GPBP1: variants seen among roughly 807,000 people sequenced by gnomAD.
GPBP1 encodes GC-rich promoter binding protein 1.
In GPBP1, 13 loss-of-function variants were observed where a neutral mutation model predicts 56.5. The observed-to-expected ratio is 0.23, with a 90% CI of 0.15 to 0.37. GPBP1 has a LOEUF of 0.37. Among genes scored for constraint, GPBP1 ranks in the 10% least tolerant of loss-of-function variants. The pLI is 1.00. For missense variants in GPBP1, 477 were observed against 572.3 expected, an observed-to-expected ratio of 0.83 and a Z score of 1.70; for synonymous variants, 204 against 188.9, an observed-to-expected ratio of 1.08 and a Z score of -0.66.
At chr5:57,238,808 A>C (rs1242625690) in intron 6 of GPBP1, among the ~76,000 whole-genome samples, 1 of 152,196 alleles carries the variant, frequency 6.6e-6, no homozygotes, top group Non-Finnish European at 1.5e-5. Flanking sequence ...TCTTGATTTT[A>C]GCTCATATTT....
At chr5:57,227,890 C>G (rs1214665900) in intron 3 of GPBP1, among the ~76,000 whole-genome samples, 1 of 151,972 alleles carries the variant, frequency 6.6e-6, no homozygotes, top group East Asian at 1.9e-4. Flanking sequence ...TAAGAAATAA[C>G]AGGTAACAGG....
At chr5:57,213,641 A>C (rs541477753) in intron 2 of GPBP1, among the ~76,000 whole-genome samples, 82 of 152,280 alleles carry the variant, frequency 5.4e-4, no homozygotes, top group African/African-American at 1.9e-3. Context: ...ATTGGTAGTT[A>C]AATCAGATTT....
At chr5:57,224,802 C>T (rs1756108159) in intron 3 of GPBP1, among the ~76,000 whole-genome samples, 1 of 151,912 alleles carries the variant, frequency 6.6e-6, no homozygotes, top group Admixed American at 6.6e-5. Context: ...CAGGCCATAC[C>T]ACAGGGTGAT....
chr5:57,185,492 C>T (rs1449531433), intron 2 of GPBP1, among the ~76,000 whole-genome samples: 1 of 152,084 alleles, frequency 6.6e-6, no homozygotes, highest in Non-Finnish European at 1.5e-5. Context: ...TGGTCTGGAA[C>T]TCCTGACCTC....
chr5:57,198,381 T>C (rs1009091514), intron 2 of GPBP1, among the ~76,000 whole-genome samples: 2 of 152,232 alleles, frequency 1.3e-5, no homozygotes, highest in Non-Finnish European at 2.9e-5. Flanking sequence ...TTTGTTTTGC[T>C]TTTTTAATAG....
At chr5:57,213,889 CTCT>C (rs2079240138) in intron 2 of GPBP1, among the ~76,000 whole-genome samples, 182 bp from the exon 3 acceptor site, 1 of 152,168 alleles carries the variant, frequency 6.6e-6, no homozygotes, top group African/African-American at 2.4e-5. Context: ...AGAAAATTCC[CTCT>C]TCTTTCTTGC....
chr5:57,220,953 TTC>T (rs1422668523), intron 3 of GPBP1, among the ~76,000 whole-genome samples: 10 of 152,254 alleles, frequency 6.6e-5, no homozygotes, highest in African/African-American at 2.4e-5. Context: ...CCCACATCGT[TTC>T]TCTTTTTAAT....
At chr5:57,247,758 T>C (rs1741164159) in intron 8 of GPBP1, among the ~76,000 whole-genome samples, 1 of 150,272 alleles carries the variant, frequency 6.7e-6, no homozygotes, top group Admixed American at 6.6e-5. Context: ...TTTTGGGGGG[T>C]GGTAGGAGGG....
intron 2 of GPBP1, among the ~76,000 whole-genome samples, chr5:57,181,391 C>T (rs982761706): frequency 1.7e-4 from 26 of 149,660 alleles, no homozygotes; most frequent in African/African-American, 3.7e-4. Context: ...TTTGGCGCTG[C>T]GATCGCGACA....
intron 2 of GPBP1, among the ~76,000 whole-genome samples, chr5:57,212,986 C>G (rs1755555122): frequency 1.3e-5 from 2 of 152,032 alleles, no homozygotes; most frequent in South Asian, 4.2e-4. Flanking sequence ...CGGGACCATT[C>G]CCTGGTTTAT....
chr5:57,194,133 G>A (rs1754647290), intron 2 of GPBP1, among the ~76,000 whole-genome samples: 2 of 151,958 alleles, frequency 1.3e-5, no homozygotes, highest in Admixed American at 1.3e-4. Context: ...TCTTTTTATT[G>A]GCTGCATGCT....
chr5:57,190,047 A>T (rs1754451239), intron 2 of GPBP1, among the ~76,000 whole-genome samples: 1 of 152,274 alleles, frequency 6.6e-6, no homozygotes, highest in South Asian at 2.1e-4. Context: ...GCCCGTCTTT[A>T]TCACATAAGC....
In GPBP1 at chr5:57,249,492, T is replaced by C; in HGVS notation, c.888T>C (p.Asp296=). The change falls in exon 9 of 12, where the codon GAT becomes GAC. Residue 296 remains aspartate, a synonymous_variant. Coordinates refer to ENST00000506184, the MANE Select transcript of GPBP1 (RefSeq NM_022913.4). ...RLTKLTRMRT[D]KKSEFLKALK... is the part of the protein sequence containing the mutation. ...CCAAACTGACACGAATGCGCACTGA[T>C]AAGAAGAGTGAATTTTTGAAAGCAT... 6.2e-7 allele frequency: 1 copy of C among 1,613,064 alleles called. No individual in the cohort carries two copies. The highest frequency in any genetic ancestry group is 8.5e-7 in the Non-Finnish European group (1 of 1,179,558).
intron 2 of GPBP1, among the ~76,000 whole-genome samples, chr5:57,192,843 A>G (rs183575240): frequency 2.1e-4 from 32 of 151,888 alleles, no homozygotes; most frequent in African/African-American, 7.5e-4. Flanking sequence ...TGTCTGATGT[A>G]TCCTATGTTA....
intron 3 of GPBP1, among the ~76,000 whole-genome samples, chr5:57,218,500 G>C (rs1755794595): frequency 1.3e-5 from 2 of 152,152 alleles, no homozygotes; most frequent in African/African-American, 4.8e-5. Flanking sequence ...TCCATGCCCT[G>C]TCTGGGTGTA....
chr5:57,221,363 C>A, intron 3 of GPBP1: 1 of 1,524,598 alleles, frequency 6.6e-7, no homozygotes, highest in Non-Finnish European at 8.9e-7. Context: ...CTGATCTTAT[C>A]ATTTGTTAAT....
intron 2 of GPBP1, among the ~76,000 whole-genome samples, chr5:57,203,452 A>G (rs1755102397): frequency 6.6e-6 from 1 of 152,170 alleles, no homozygotes; most frequent in Non-Finnish European, 1.5e-5. Context: ...CCTGGGCAAC[A>G]TGGCAAAACC....
At chr5:57,229,599 C>T (rs114457616) in intron 3 of GPBP1, among the ~76,000 whole-genome samples, 24 of 152,014 alleles carry the variant, frequency 1.6e-4, no homozygotes, top group African/African-American at 4.6e-4. Flanking sequence ...TGTGTCATCT[C>T]GGCTCACTGC....
intron 10 of GPBP1, among the ~76,000 whole-genome samples, chr5:57,258,101 T>G (rs904882060): frequency 2.6e-5 from 4 of 152,208 alleles, no homozygotes; most frequent in African/African-American, 9.7e-5. Flanking sequence ...AGTTTGTTCT[T>G]TAGAAAGTGA....
Sources: gnomAD v4.1 joint callset for allele counts (sites outside exome capture counted in the v4.1 genomes callset) on GRCh38, gnomAD v4.1.1 for gene constraint, MANE v1.5 for transcripts, NCBI Gene and HGNC (gene_info 2026-07-23, HGNC 2026-07-21) for gene names.